Variants in BNC2 observed in about 807,000 individuals in gnomAD.
BNC2 encodes the protein zinc finger protein basonuclin-2.
BNC2 carries 20 observed loss-of-function variants against 76.3 expected under a neutral mutation model. That is an observed-to-expected ratio of 0.26 (90% confidence interval 0.18 to 0.38). The LOEUF (loss-of-function observed/expected upper bound fraction) is 0.38, where lower values mean the gene tolerates loss of function less well. Ranked by LOEUF, BNC2 falls within the 10% of genes least tolerant of loss-of-function variation. BNC2 has a pLI of 1.00. For missense variants in BNC2, 1,382 were observed against 1,399.8 expected (o/e 0.99, Z 0.20); for synonymous variants, 582 against 514.8 (o/e 1.13, Z -1.77).
intron 2 of BNC2, among the ~76,000 whole-genome samples, chr9:16,734,491 T>G (rs944236976): frequency 6.6e-6 from 1 of 152,212 alleles, no homozygotes; most frequent in Non-Finnish European, 1.5e-5. Flanking sequence ...TGTCACTTCA[T>G]ATTTACAACT....
chr9:16,730,559 A>G (rs1000805482), intron 2 of BNC2, among the ~76,000 whole-genome samples: 4 of 152,102 alleles, frequency 2.6e-5, no homozygotes, highest in Admixed American at 2.6e-4. Context: ...CTCCTAGAAA[A>G]TCAATACAGT....
intron 3 of BNC2, among the ~76,000 whole-genome samples, chr9:16,604,303 A>C (rs1008108630): frequency 3.9e-5 from 6 of 152,238 alleles, no homozygotes; most frequent in Admixed American, 2.6e-4. Context: ...TATTAATTAA[A>C]TGCCAACTTT....
chr9:16,613,276 C>A (rs1820603568), intron 3 of BNC2, among the ~76,000 whole-genome samples: 1 of 152,016 alleles, frequency 6.6e-6, no homozygotes, highest in South Asian at 2.1e-4. Flanking sequence ...TTTTAAAATG[C>A]AGATCACACA....
chr9:16,572,590 T>G (rs1819355957), intron 4 of BNC2, among the ~76,000 whole-genome samples: 1 of 152,084 alleles, frequency 6.6e-6, no homozygotes, highest in Admixed American at 6.6e-5. Context: ...CCCAGAAACC[T>G]CTGGTCTCAG....
intron 3 of BNC2, among the ~76,000 whole-genome samples, chr9:16,595,150 C>T (rs539907372): frequency 6.6e-6 from 1 of 152,140 alleles, no homozygotes; most frequent in South Asian, 2.1e-4. Context: ...ACAAGATATT[C>T]CCAGGAACAC....
At chr9:16,596,670 T>C (rs752404621) in intron 3 of BNC2, among the ~76,000 whole-genome samples, 4 of 152,096 alleles carry the variant, frequency 2.6e-5, no homozygotes, top group African/African-American at 4.8e-5. Flanking sequence ...AGAGGAGAGT[T>C]GATTCCCTGG....
At chr9:16,684,728 C>T (rs1272973611) in intron 3 of BNC2, among the ~76,000 whole-genome samples, 1 of 152,050 alleles carries the variant, frequency 6.6e-6, no homozygotes, top group South Asian at 2.1e-4. Flanking sequence ...GAAACTTCAG[C>T]CTGCATCTTT....
At chr9:16,430,015 G>C (rs779330823) in intron 6 of BNC2, 3 of 507,476 alleles carry the variant, frequency 5.9e-6, no homozygotes, top group Non-Finnish European at 1.2e-5. Flanking sequence ...AAGAACCCCA[G>C]GGACAGGAAT....
At position 16,862,601 on chromosome 9, in the gene BNC2, G is replaced by A. The variant is rs1819438154; in HGVS notation, c.3+8045C>T. Among the ~76,000 whole-genome samples, 3 of 152,262 alleles carry A rather than the reference G, an allele frequency of 2.0e-5. 1 individual carries two copies. In the South Asian group the frequency reaches 6.2e-4, roughly 32 times the overall value. ...AGTCACCTGCGTAGAGATACTGACT[G>A]GATAAAGAACAAGTGCAGGATACCT... On this transcript the variant is annotated intron_variant, in intron 1 of 6. Transcript: ENST00000380672.
intron 1 of BNC2, among the ~76,000 whole-genome samples, chr9:16,783,520 T>G (rs944869108): frequency 2.6e-5 from 4 of 152,228 alleles, no homozygotes; most frequent in African/African-American, 9.6e-5. Flanking sequence ...AGTCTACAAA[T>G]TTACATAAAG....
At chr9:16,522,087 A>G (rs576392121) in intron 5 of BNC2, among the ~76,000 whole-genome samples, 2 of 152,266 alleles carry the variant, frequency 1.3e-5, no homozygotes, top group East Asian at 3.9e-4. Context: ...TGCAGATGTC[A>G]GGTATTTTAA....
intron 1 of BNC2, among the ~76,000 whole-genome samples, chr9:16,846,925 G>T (rs1019175119): frequency 6.6e-6 from 1 of 152,194 alleles, no homozygotes; most frequent in Non-Finnish European, 1.5e-5. Flanking sequence ...CAGTATTAGT[G>T]TATAATTACT....
At chr9:16,815,144 T>A (rs148192788) in intron 1 of BNC2, among the ~76,000 whole-genome samples, 246 of 152,172 alleles carry the variant, frequency 1.6e-3, no homozygotes, top group African/African-American at 5.7e-3. Flanking sequence ...TTAAGAAGTG[T>A]AGAATAAAGC....
intron 1 of BNC2, among the ~76,000 whole-genome samples, chr9:16,843,499 A>C (rs1193869026): frequency 6.6e-6 from 1 of 152,090 alleles, no homozygotes; most frequent in African/African-American, 2.4e-5. Flanking sequence ...ACACCCAGCT[A>C]ATTTCTGTAT....
At chr9:16,847,635 G>C (rs1319121406) in intron 1 of BNC2, among the ~76,000 whole-genome samples, 1 of 152,092 alleles carries the variant, frequency 6.6e-6, no homozygotes, top group African/African-American at 2.4e-5. Context: ...TTAAAAGCTT[G>C]TCCGAGATAT....
chr9:16,794,432 C>A (rs2135698175), intron 1 of BNC2, among the ~76,000 whole-genome samples: 1 of 152,316 alleles, frequency 6.6e-6, no homozygotes, highest in East Asian at 1.9e-4. Flanking sequence ...CCACCCCCAG[C>A]CACCTGGGAA....
chr9:16,430,478 C>T (rs1445212827), intron 6 of BNC2, among the ~76,000 whole-genome samples: 1 of 152,034 alleles, frequency 6.6e-6, no homozygotes, highest in Non-Finnish European at 1.5e-5. Flanking sequence ...ACTGAAAAGC[C>T]CTCCCTAGAA....
At chr9:16,581,201 G>C (rs1819621527) in intron 4 of BNC2, among the ~76,000 whole-genome samples, 1 of 152,134 alleles carries the variant, frequency 6.6e-6, no homozygotes, top group Admixed American at 6.5e-5. Flanking sequence ...GTTAAAATGA[G>C]GCCCTTAGGG....
intron 3 of BNC2, among the ~76,000 whole-genome samples, chr9:16,690,054 C>T (rs927837750): frequency 6.6e-6 from 1 of 152,146 alleles, no homozygotes; most frequent in Non-Finnish European, 1.5e-5. Context: ...ATTTTTCAGC[C>T]TACAATTTAA....
Sources: gnomAD v4.1 joint callset for allele counts (sites outside exome capture counted in the v4.1 genomes callset) on GRCh38, gnomAD v4.1.1 for gene constraint, MANE v1.5 for transcripts, NCBI Gene and HGNC (gene_info 2026-07-23, HGNC 2026-07-21) for gene names.